Variants in DPP6 observed in about 807,000 individuals in gnomAD.
DPP6 encodes dipeptidyl peptidase like 6, also known as A-type potassium channel modulatory protein DPP6.
Under a neutral mutation model 122.6 loss-of-function variants are expected in DPP6, and 69 were observed. The observed-to-expected ratio is 0.56, with a 90% CI of 0.46 to 0.69. The LOEUF (loss-of-function observed/expected upper bound fraction) is 0.69, where lower values mean the gene tolerates loss of function less well. DPP6 is among the 30% of genes least tolerant of loss of function. The pLI, the probability that DPP6 is intolerant of heterozygous loss-of-function variation, is 0.00. For missense variants in DPP6, 928 were observed against 1,116.9 expected (o/e 0.83, Z 2.41); for synonymous variants, 418 against 433.1 (o/e 0.97, Z 0.43).
At chr7:154,314,821 C>T (rs868043042) in intron 1 of DPP6, among the ~76,000 whole-genome samples, 37 of 151,876 alleles carry the variant, frequency 2.4e-4, no homozygotes, top group Middle Eastern at 3.2e-3. Flanking sequence ...AAGATTAACA[C>T]GAAAACTGTT....
intron 5 of DPP6, among the ~76,000 whole-genome samples, chr7:154,577,587 C>T (rs1831767136): frequency 6.6e-6 from 1 of 152,156 alleles, no homozygotes; most frequent in East Asian, 1.9e-4. Flanking sequence ...GGATCTGACT[C>T]TTCTCCATGA....
chr7:154,272,691 G>A (rs1803872918), intron 1 of DPP6, among the ~76,000 whole-genome samples: 1 of 152,210 alleles, frequency 6.6e-6, no homozygotes, highest in Admixed American at 6.5e-5. Context: ...GGCCATTAAA[G>A]TCCTTAGACC....
At chr7:154,399,763 G>A (rs1815408906) in intron 1 of DPP6, among the ~76,000 whole-genome samples, 1 of 152,180 alleles carries the variant, frequency 6.6e-6, no homozygotes. Context: ...CCCATCAGTT[G>A]GTGCCTTCTG....
chr7:154,402,313 G>T (rs1244674575), intron 1 of DPP6, among the ~76,000 whole-genome samples: 1 of 151,714 alleles, frequency 6.6e-6, no homozygotes, highest in Non-Finnish European at 1.5e-5. Flanking sequence ...GTTTATTGAG[G>T]CATTATTCAC....
intron 16 of DPP6, among the ~76,000 whole-genome samples, chr7:154,808,676 G>A (rs192340204): frequency 2.2e-4 from 33 of 152,288 alleles, no homozygotes; most frequent in African/African-American, 4.6e-4. Flanking sequence ...CTCCTAGGGC[G>A]GGATCTTCTT....
chr7:154,157,577 A>G (rs1796749444), intron 1 of DPP6, among the ~76,000 whole-genome samples: 1 of 152,200 alleles, frequency 6.6e-6, no homozygotes, highest in African/African-American at 2.4e-5. Context: ...AATATGTTCA[A>G]TGATTTTTGC....
chr7:153,877,446 C>T, the DPP6 span, among the ~76,000 whole-genome samples: 104,486 of 151,898 alleles, frequency 0.69, 36,148 homozygotes, highest in African/African-American at 0.76. Flanking sequence ...TTTAAACAAG[C>T]GGTAGTGCAA....
intron 1 of DPP6, among the ~76,000 whole-genome samples, chr7:154,251,101 G>A (rs73489316): frequency 0.045 from 6,855 of 152,280 alleles, 461 homozygotes; most frequent in African/African-American, 0.15. Context: ...TAAGAGTCTG[G>A]CTGACTGCGG....
intron 1 of DPP6, among the ~76,000 whole-genome samples, chr7:154,425,631 T>G (rs1221860308): frequency 1.1e-4 from 14 of 131,550 alleles, no homozygotes; most frequent in South Asian, 6.6e-4. Flanking sequence ...GGTGTGTGTG[T>G]GTGTGTGTGT....
At chr7:154,733,485 A>G (rs755499194) in intron 8 of DPP6, among the ~76,000 whole-genome samples, 14 of 152,218 alleles carry the variant, frequency 9.2e-5, no homozygotes, top group Non-Finnish European at 1.9e-4. Flanking sequence ...ATCTTTAAAG[A>G]GTCAGCACTC....
intron 16 of DPP6, among the ~76,000 whole-genome samples, chr7:154,847,321 G>A (rs1802020075): frequency 6.6e-6 from 1 of 152,142 alleles, no homozygotes; most frequent in Non-Finnish European, 1.5e-5. Flanking sequence ...ATAGCCATGT[G>A]GTAGAAATAT....
intron 17 of DPP6, chr7:154,858,247 A>G (rs766965790): frequency 2.6e-5 from 4 of 152,252 alleles, no homozygotes; most frequent in Admixed American, 1.3e-4. Flanking sequence ...AGGAACTGCT[A>G]TTATCCCCAC....
In DPP6 at chr7:153,948,736, C is replaced by T. The variant is rs1371015360; in HGVS notation, c.51+61002C>T. Among the ~76,000 whole-genome samples, 4 of 148,374 alleles carry T rather than the reference C, an allele frequency of 2.7e-5. No homozygotes were observed. In the East Asian group the frequency reaches 7.8e-4, roughly 29 times the overall value. ...TACCTGTCCTCTATAATATAGACTA[C>T]CTTCCCTTCAAAACACCCTCCCCGA... On this transcript the variant is annotated intron_variant, in intron 1 of 25. Transcript: ENST00000404039.
At chr7:154,565,712 A>G (rs999559088) in intron 4 of DPP6, among the ~76,000 whole-genome samples, 2 of 152,124 alleles carry the variant, frequency 1.3e-5, no homozygotes, top group Non-Finnish European at 2.9e-5. Context: ...TTTAGTGGAG[A>G]CGGAGTTTCT....
chr7:153,804,389 G>T, the DPP6 span, among the ~76,000 whole-genome samples: 14 of 151,926 alleles, frequency 9.2e-5, no homozygotes, highest in Admixed American at 9.2e-4. Context: ...TCTACTCATG[G>T]TACCGTCATT....
At chr7:154,262,314 C>T (rs527986546) in intron 1 of DPP6, among the ~76,000 whole-genome samples, 17 of 152,166 alleles carry the variant, frequency 1.1e-4, no homozygotes, top group African/African-American at 3.9e-4. Flanking sequence ...CAAATCGGGC[C>T]TTTAAAGAGG....
chr7:153,819,087 T>TTTG, the DPP6 span, among the ~76,000 whole-genome samples: 2,090 of 141,320 alleles, frequency 0.015, 34 homozygotes, highest in Non-Finnish European at 0.027. Context: ...CTTTTTTTTT[T>TTTG]TTTTTTAACT....
intron 8 of DPP6, among the ~76,000 whole-genome samples, chr7:154,767,183 G>A (rs1036541974): frequency 9.2e-5 from 14 of 151,844 alleles, no homozygotes; most frequent in South Asian, 4.2e-4. Flanking sequence ...TTAATGTCCC[G>A]TGGAAACCAC....
intron 1 of DPP6, among the ~76,000 whole-genome samples, chr7:154,112,285 C>T (rs2150587620): frequency 6.6e-6 from 1 of 151,954 alleles, no homozygotes; most frequent in Admixed American, 6.6e-5. Context: ...TCAACTATTA[C>T]ATTATCAACA....
Sources: gnomAD v4.1 joint callset for allele counts (sites outside exome capture counted in the v4.1 genomes callset) on GRCh38, gnomAD v4.1.1 for gene constraint, MANE v1.5 for transcripts, NCBI Gene and HGNC (gene_info 2026-07-23, HGNC 2026-07-21) for gene names.